The following LHFPL6 variants were observed in gnomAD, a reference collection of about 807,000 sequenced individuals.
LHFPL6 encodes LHFPL tetraspan subfamily member 6 protein.
A neutral mutation model predicts 20.6 loss-of-function variants in LHFPL6; 9 were observed. The observed-to-expected ratio is 0.44, with a 90% confidence interval of 0.26 to 0.76. The LOEUF is 0.76. Ranked by LOEUF, LHFPL6 falls within the 30% of genes least tolerant of loss-of-function variation. The pLI is 0.20. For missense variants in LHFPL6, 218 were observed against 253.5 expected, an observed-to-expected ratio of 0.86 and a Z score of 0.95; for synonymous variants, 105 against 98.7, an observed-to-expected ratio of 1.06 and a Z score of -0.38.
At chr13:39,420,855 A>G (rs995674594) in intron 2 of LHFPL6, among the ~76,000 whole-genome samples, 1 of 152,194 alleles carries the variant, frequency 6.6e-6, no homozygotes, top group Non-Finnish European at 1.5e-5. Context: ...AAGTTTCTCA[A>G]TTTGTACCAG....
At chr13:39,487,095 C>T (rs74044080) in intron 2 of LHFPL6, among the ~76,000 whole-genome samples, 129 of 152,264 alleles carry the variant, frequency 8.5e-4, no homozygotes, top group African/African-American at 2.9e-3. Flanking sequence ...TTCTCACAAA[C>T]TACACATATA....
intron 2 of LHFPL6, among the ~76,000 whole-genome samples, chr13:39,477,254 G>T (rs908185923): frequency 6.6e-6 from 1 of 151,896 alleles, no homozygotes; most frequent in Admixed American, 6.6e-5. Flanking sequence ...CATCTTTGTC[G>T]GGTTCTCTCC....
intron 2 of LHFPL6, among the ~76,000 whole-genome samples, chr13:39,465,602 A>G (rs1040254006): frequency 1.3e-5 from 2 of 152,134 alleles, no homozygotes; most frequent in African/African-American, 4.8e-5. Context: ...AGCATGTCAT[A>G]TAAGTAGGGC....
chr13:39,403,015 A>C (rs1405740772), intron 2 of LHFPL6, among the ~76,000 whole-genome samples: 3 of 152,212 alleles, frequency 2.0e-5, no homozygotes, highest in African/African-American at 7.2e-5. Context: ...AAAAGCACCA[A>C]AGGGTCCTCG....
intron 2 of LHFPL6, among the ~76,000 whole-genome samples, chr13:39,458,931 T>C (rs4281594): frequency 0.03 from 4,517 of 152,274 alleles, 153 homozygotes; most frequent in East Asian, 0.15. Context: ...CAACACACTT[T>C]TTTTCCTTCT....
At chr13:39,523,279 G>A (rs559080608) in intron 2 of LHFPL6, among the ~76,000 whole-genome samples, 2 of 152,238 alleles carry the variant, frequency 1.3e-5, no homozygotes, top group South Asian at 4.1e-4. Flanking sequence ...CTACTAAAAA[G>A]TTAGTGCAGG....
At chr13:39,460,345 G>A (rs1363025726) in intron 2 of LHFPL6, among the ~76,000 whole-genome samples, 1 of 152,134 alleles carries the variant, frequency 6.6e-6, no homozygotes, top group East Asian at 1.9e-4. Context: ...CCTTTCCTTA[G>A]TCTCAAGAGG....
At chr13:39,593,847 C>G (rs1172807031) in intron 2 of LHFPL6, among the ~76,000 whole-genome samples, 3 of 152,134 alleles carry the variant, frequency 2.0e-5, no homozygotes, top group Admixed American at 6.5e-5. Flanking sequence ...ACAAACCTGA[C>G]AAAAATGAGA....
At chr13:39,417,507 C>T (rs538598175) in intron 2 of LHFPL6, among the ~76,000 whole-genome samples, 5 of 152,198 alleles carry the variant, frequency 3.3e-5, no homozygotes, top group African/African-American at 1.2e-4. Flanking sequence ...ACTTTCCACC[C>T]GCTCAAAAGG....
chr13:39,424,641 C>T lies in LHFPL6; in HGVS notation c.386-46115G>A, dbSNP rs529745638. ...TAAGATAACATCCAATTTAATATTA[C>T]GGGGATTGTTACAAAGTGAAAAAAA... On this transcript the variant is annotated intron_variant, in intron 2 of 3. Transcript: ENST00000379589. 2.0e-4 allele frequency among the ~76,000 whole-genome samples: 30 copies of T among 152,018 alleles called. No homozygotes were observed. In the East Asian group the frequency reaches 4.6e-3, roughly 23 times the overall value.
At chr13:39,515,163 T>C (rs571769389) in intron 2 of LHFPL6, among the ~76,000 whole-genome samples, 1 of 152,324 alleles carries the variant, frequency 6.6e-6, no homozygotes, top group East Asian at 1.9e-4. Flanking sequence ...TTTTACACTT[T>C]ATGGTATTTC....
At chr13:39,568,200 CTT>C (rs1871790100) in intron 2 of LHFPL6, among the ~76,000 whole-genome samples, 1 of 151,696 alleles carries the variant, frequency 6.6e-6, no homozygotes, top group South Asian at 2.1e-4. Context: ...TTTTCATAGT[CTT>C]TGTAACAGCA....
chr13:39,489,796 C>T (rs1025775160), intron 2 of LHFPL6, among the ~76,000 whole-genome samples: 2 of 152,090 alleles, frequency 1.3e-5, no homozygotes, highest in Admixed American at 1.3e-4. Context: ...CACAAGTGAT[C>T]CATCCGCCTC....
chr13:39,382,539 A>G (rs929100875), intron 2 of LHFPL6, among the ~76,000 whole-genome samples: 1 of 151,508 alleles, frequency 6.6e-6, no homozygotes. Flanking sequence ...ACAGGCGCGT[A>G]CCCCCATGCC....
At chr13:39,365,333 G>C (rs1424981512) in intron 3 of LHFPL6, among the ~76,000 whole-genome samples, 1 of 152,120 alleles carries the variant, frequency 6.6e-6, no homozygotes, top group African/African-American at 2.4e-5. Context: ...AGCAGTCTCT[G>C]AATATACTCT....
chr13:39,535,774 C>T (rs1303719252), intron 2 of LHFPL6, among the ~76,000 whole-genome samples: 1 of 152,294 alleles, frequency 6.6e-6, no homozygotes, highest in East Asian at 1.9e-4. Context: ...ACAAAACCAT[C>T]ATTCTTCTGC....
chr13:39,498,730 G>A (rs567145051), intron 2 of LHFPL6, among the ~76,000 whole-genome samples: 3 of 152,250 alleles, frequency 2.0e-5, no homozygotes, highest in Admixed American at 1.3e-4. Context: ...AAGGATAAAG[G>A]GTGCAAGGAG....
At chr13:39,545,393 C>G (rs1404487604) in intron 2 of LHFPL6, among the ~76,000 whole-genome samples, 1 of 152,062 alleles carries the variant, frequency 6.6e-6, no homozygotes, top group Non-Finnish European at 1.5e-5. Flanking sequence ...TAAAATGCAT[C>G]ACTTTTACAC....
At chr13:39,422,225 G>C (rs1407978100) in intron 2 of LHFPL6, among the ~76,000 whole-genome samples, 1 of 152,180 alleles carries the variant, frequency 6.6e-6, no homozygotes, top group Non-Finnish European at 1.5e-5. Flanking sequence ...TTCTATGTAA[G>C]TGGCAGCAGA....
Sources: allele counts gnomAD v4.1 joint callset (sites outside exome capture counted in the v4.1 genomes callset), GRCh38; gene constraint gnomAD v4.1.1; transcripts MANE v1.5; gene names NCBI Gene and HGNC (gene_info 2026-07-23, HGNC 2026-07-21).